TPRG1: variants seen among roughly 807,000 people sequenced by gnomAD.
TPRG1 encodes the protein tumor protein p63-regulated gene 1 protein.
A neutral mutation model predicts 29.3 loss-of-function variants in TPRG1; 29 were observed. The ratio of observed to expected loss-of-function variants is 0.99; its 90% CI spans 0.74 to 1.35. TPRG1 has a LOEUF of 1.35. Ranked by LOEUF, TPRG1 falls within the 40% of genes most tolerant of loss-of-function variation. TPRG1 has a pLI of 0.00. For missense variants in TPRG1, 327 were observed against 335.0 expected (o/e 0.98, Z 0.19); for synonymous variants, 130 against 116.8 (o/e 1.11, Z -0.73).
At position 189,086,589 on chromosome 3, in the gene TPRG1, G is replaced by A. The variant is rs569922165; in HGVS notation, c.-462-40468G>A. On this transcript the variant is annotated intron_variant, in intron 4 of 10. Transcript: ENST00000433971. ...GTTGCCTAGGCTGGAGTGCAATGTCGTGATCTCGGCTCACCACAACCTCCG... is the reference window on the plus strand; with the variant it reads ...GTTGCCTAGGCTGGAGTGCAATGTCATGATCTCGGCTCACCACAACCTCCG... Among the ~76,000 whole-genome samples the A allele has an allele frequency of 4.8e-4, 71 of 146,746 alleles. No homozygotes were observed. In the South Asian group the frequency reaches 5.0e-3, roughly 10 times the overall value.
chr3:189,286,318 T>C (rs1381117199), intron 4 of TPRG1, among the ~76,000 whole-genome samples: 1 of 152,100 alleles, frequency 6.6e-6, no homozygotes, highest in African/African-American at 2.4e-5. Flanking sequence ...TTATATCATA[T>C]CCTTCTGCCA....
intron 1 of TPRG1, among the ~76,000 whole-genome samples, chr3:189,185,691 TGCA>T (rs1166567276): frequency 6.6e-6 from 1 of 152,200 alleles, no homozygotes; most frequent in African/African-American, 2.4e-5. Flanking sequence ...CGCAACATTT[TGCA>T]GCATGTGTTT....
intron 4 of TPRG1, among the ~76,000 whole-genome samples, chr3:189,308,360 T>G (rs1277729032): frequency 6.6e-6 from 1 of 152,186 alleles, no homozygotes; most frequent in Non-Finnish European, 1.5e-5. Flanking sequence ...TTAAATAAAG[T>G]ATTTCTGGTC....
intron 1 of TPRG1, among the ~76,000 whole-genome samples, chr3:189,120,786 TG>T (rs1721738521): frequency 6.6e-6 from 1 of 152,228 alleles, no homozygotes; most frequent in Non-Finnish European, 1.5e-5. Flanking sequence ...AAGGCAAACC[TG>T]GTAAACCTCG....
In TPRG1 at chr3:189,238,742, C is replaced by A. The variant is rs199577892; in HGVS notation, c.312C>A (p.His104Gln). 6.2e-7 allele frequency: 1 copy of A among 1,611,234 alleles called. No individual in the cohort carries two copies. Among genetic ancestry groups the A allele is most frequent in the Non-Finnish European group, 8.5e-7 (1 of 1,178,384 alleles). Residue 104 changes from histidine to glutamine, a missense_variant, in exon 4 of 6, where the codon CAC becomes CAA. His to Gln is a conservative substitution (Grantham distance 24). Coordinates refer to ENST00000345063, the MANE Select transcript of TPRG1 (RefSeq NM_198485.4). ...QGFWLLTKID[H>Q]WNNEKERILL... ...ATGATGATTCCTATAGGATAGACCACTGGAACAATGAGAAGGAGAGAATTC... is the reference window on the plus strand; with the variant it reads ...ATGATGATTCCTATAGGATAGACCAATGGAACAATGAGAAGGAGAGAATTC...
intron 1 of TPRG1, among the ~76,000 whole-genome samples, chr3:189,178,334 G>A (rs1729764890): frequency 1.3e-5 from 2 of 152,160 alleles, no homozygotes; most frequent in African/African-American, 4.8e-5. Context: ...TTCCAGAACA[G>A]ACTGGCCAAC....
intron 4 of TPRG1, among the ~76,000 whole-genome samples, chr3:189,289,547 A>G (rs767504910): frequency 5.3e-5 from 8 of 152,084 alleles, no homozygotes; most frequent in African/African-American, 1.7e-4. Flanking sequence ...TAGTCTTTGA[A>G]ATGTCATTTA....
At chr3:189,309,064 T>C (rs1260325839) in intron 4 of TPRG1, among the ~76,000 whole-genome samples, 37 of 136,838 alleles carry the variant, frequency 2.7e-4, no homozygotes, top group African/African-American at 9.7e-4. Context: ...TTTTCCTATA[T>C]ACTTTTTTTT....
At chr3:189,096,095 TGCAAACA>T (rs1411081058), upstream of TPRG1, among the ~76,000 whole-genome samples, 2 of 152,240 alleles carry the variant, frequency 1.3e-5, no homozygotes, top group African/African-American at 4.8e-5. Flanking sequence ...ACATTAATCT[TGCAAACA>T]GTTATTAAAC....
chr3:189,145,709 T>C (rs1259553752), intron 3 of TPRG1, among the ~76,000 whole-genome samples: 1 of 152,190 alleles, frequency 6.6e-6, no homozygotes, highest in Non-Finnish European at 1.5e-5. Context: ...TCTAAAATGA[T>C]CTAGAACTTC....
intron 4 of TPRG1, among the ~76,000 whole-genome samples, chr3:189,074,406 C>T (rs1272787201): frequency 2.6e-5 from 4 of 151,644 alleles, no homozygotes; most frequent in Admixed American, 1.3e-4. Flanking sequence ...GGGGTTTCAC[C>T]GTGTTAGCCA....
At chr3:189,175,411 G>C (rs567034831) in intron 1 of TPRG1, among the ~76,000 whole-genome samples, 3 of 152,330 alleles carry the variant, frequency 2.0e-5, no homozygotes, top group East Asian at 1.9e-4. Context: ...AACTGAAGTG[G>C]AATGAGGCCA....
intron 4 of TPRG1, among the ~76,000 whole-genome samples, chr3:189,025,892 A>C (rs959797523): frequency 2.0e-5 from 3 of 152,360 alleles, no homozygotes; most frequent in Admixed American, 6.5e-5. Flanking sequence ...GATGATTTTT[A>C]AACATTCAGA....
At chr3:189,045,836 T>C (rs1017975177) in intron 4 of TPRG1, among the ~76,000 whole-genome samples, 1 of 152,192 alleles carries the variant, frequency 6.6e-6, no homozygotes, top group African/African-American at 2.4e-5. Flanking sequence ...GCCGAGGAAG[T>C]CTGCCTGCTG....
At chr3:189,049,969 A>G (rs1246114002) in intron 4 of TPRG1, among the ~76,000 whole-genome samples, 1 of 152,224 alleles carries the variant, frequency 6.6e-6, no homozygotes, top group Non-Finnish European at 1.5e-5. Context: ...AAACACCTAC[A>G]TCAAAAAGCC....
chr3:189,267,141 T>C (rs989512858), intron 4 of TPRG1, among the ~76,000 whole-genome samples: 1 of 152,222 alleles, frequency 6.6e-6, no homozygotes, highest in African/African-American at 2.4e-5. Context: ...ATACAAAAAC[T>C]TACCACTGTG....
chr3:189,316,500 CT>C (rs1723549378), intron 5 of TPRG1, among the ~76,000 whole-genome samples: 1 of 152,162 alleles, frequency 6.6e-6, no homozygotes, highest in Non-Finnish European at 1.5e-5. Context: ...AACCTGGTCT[CT>C]TTACCCAGTG....
At chr3:189,088,139 C>T (rs574907754) in intron 4 of TPRG1, among the ~76,000 whole-genome samples, 88 of 152,220 alleles carry the variant, frequency 5.8e-4, no homozygotes, top group African/African-American at 2.0e-3. Flanking sequence ...CCATGAGCAT[C>T]GAATATTCTT....
chr3:189,099,834 T>C (rs2152188360), upstream of TPRG1, among the ~76,000 whole-genome samples: 1 of 152,308 alleles, frequency 6.6e-6, no homozygotes, highest in South Asian at 2.1e-4. Context: ...TGTTTACACA[T>C]GTTGAGTTAT....
Sources: allele counts gnomAD v4.1 joint callset (sites outside exome capture counted in the v4.1 genomes callset), GRCh38; gene constraint gnomAD v4.1.1; transcripts MANE v1.5; gene names NCBI Gene and HGNC (gene_info 2026-07-23, HGNC 2026-07-21).